PABPC4L: variants seen among roughly 807,000 people sequenced by gnomAD.
PABPC4L encodes polyadenylate-binding protein 4-like.
For synonymous variants in PABPC4L, 169 were observed against 164.1 expected (o/e 1.03, Z -0.23); for missense variants, 452 against 451.4 (o/e 1.00, Z -0.01).
the PABPC4L span, among the ~76,000 whole-genome samples, chr4:134,171,853 C>A: frequency 6.6e-6 from 1 of 152,038 alleles, no homozygotes; most frequent in African/African-American, 2.4e-5. Context: ...AAATCAGTAG[C>A]ATTTCTATAT....
At chr4:134,201,790 G>A (rs1314012115), upstream of PABPC4L, 2 of 152,474 alleles carry the variant, frequency 1.3e-5, no homozygotes, top group Non-Finnish European at 2.9e-5. Context: ...GCTGCCAAGT[G>A]GGATGTTTTC....
At chr4:134,089,390 T>C in the PABPC4L span, among the ~76,000 whole-genome samples, 7 of 152,074 alleles carry the variant, frequency 4.6e-5, no homozygotes, top group Non-Finnish European at 7.4e-5. Context: ...ATGAACTACA[T>C]CCACACATCA....
At chr4:134,032,657 T>G in the PABPC4L span, among the ~76,000 whole-genome samples, 3 of 151,858 alleles carry the variant, frequency 2.0e-5, no homozygotes. Flanking sequence ...AGGCCTGGTA[T>G]GCTTGATATA....
At chr4:134,083,820 G>A in the PABPC4L span, among the ~76,000 whole-genome samples, 3 of 152,198 alleles carry the variant, frequency 2.0e-5, no homozygotes, top group South Asian at 2.1e-4. Flanking sequence ...AAAGGCAAAT[G>A]TATGTTTCCA....
the PABPC4L span, among the ~76,000 whole-genome samples, chr4:134,086,638 G>T: frequency 6.6e-6 from 1 of 151,620 alleles, no homozygotes; most frequent in African/African-American, 2.4e-5. Flanking sequence ...TTTTGGCCAT[G>T]CCACCCTCCC....
chr4:134,029,599 T>C, the PABPC4L span, among the ~76,000 whole-genome samples: 1 of 151,988 alleles, frequency 6.6e-6, no homozygotes, highest in Non-Finnish European at 1.5e-5. Flanking sequence ...TTTAAAAATA[T>C]TTAATAATAT....
chr4:134,060,418 C>T, the PABPC4L span, among the ~76,000 whole-genome samples: 1 of 151,552 alleles, frequency 6.6e-6, no homozygotes, highest in South Asian at 2.1e-4. Flanking sequence ...GCACAGCTTA[C>T]AGCTCCAGAT....
chr4:134,060,173 C>A, the PABPC4L span, among the ~76,000 whole-genome samples: 3 of 152,080 alleles, frequency 2.0e-5, no homozygotes, highest in African/African-American at 7.2e-5. Context: ...AGGGGAATGG[C>A]TCTTTCCAGC....
the PABPC4L span, among the ~76,000 whole-genome samples, chr4:134,187,957 ATTT>A: frequency 7.2e-5 from 11 of 151,848 alleles, 1 homozygote; most frequent in Non-Finnish European, 1.3e-4. Context: ...TGATGTTTTT[ATTT>A]TTTATTTAGT....
chr4:133,989,211 C>G, the PABPC4L span, among the ~76,000 whole-genome samples: 1 of 152,072 alleles, frequency 6.6e-6, no homozygotes, highest in Non-Finnish European at 1.5e-5. Flanking sequence ...GAATAACATT[C>G]GACTCCTCAT....
At chr4:134,014,705 G>C in the PABPC4L span, among the ~76,000 whole-genome samples, 1 of 151,920 alleles carries the variant, frequency 6.6e-6, no homozygotes, top group East Asian at 1.9e-4. Context: ...CGAGCTTTTG[G>C]TAACTCTCAC....
At chr4:134,195,892 A>G (rs1578880379), downstream of PABPC4L, among the ~76,000 whole-genome samples, 1 of 151,662 alleles carries the variant, frequency 6.6e-6, no homozygotes, top group African/African-American at 2.4e-5. Flanking sequence ...TGGGAGATAC[A>G]TATATGTCAA....
the PABPC4L span, among the ~76,000 whole-genome samples, chr4:134,058,624 A>G: frequency 2.0e-5 from 3 of 152,054 alleles, no homozygotes; most frequent in African/African-American, 7.2e-5. Context: ...AAGGCAAGGT[A>G]GATTCATTCC....
chr4:134,088,913 C>A, the PABPC4L span, among the ~76,000 whole-genome samples: 1 of 152,028 alleles, frequency 6.6e-6, no homozygotes, highest in Non-Finnish European at 1.5e-5. Flanking sequence ...AGCACCTGAC[C>A]TTGAATGGCT....
the PABPC4L span, among the ~76,000 whole-genome samples, chr4:134,077,321 T>C: frequency 4.6e-5 from 7 of 152,146 alleles, no homozygotes; most frequent in Non-Finnish European, 1.0e-4. Flanking sequence ...AGAGTCTTAC[T>C]TTTACTTTTT....
At chr4:134,065,308 T>C in the PABPC4L span, among the ~76,000 whole-genome samples, 1 of 144,716 alleles carries the variant, frequency 6.9e-6, no homozygotes, top group Non-Finnish European at 1.5e-5. Flanking sequence ...TGAGATGATA[T>C]CTCATTGTGA....
At chr4:134,116,233 G>T in the PABPC4L span, among the ~76,000 whole-genome samples, 1 of 151,732 alleles carries the variant, frequency 6.6e-6, no homozygotes, top group African/African-American at 2.4e-5. Context: ...AACTGGTAGT[G>T]TTCAAAGAAG....
chr4:134,090,968 G>A, the PABPC4L span, among the ~76,000 whole-genome samples: 1 of 151,748 alleles, frequency 6.6e-6, no homozygotes, highest in Admixed American at 6.6e-5. Flanking sequence ...AATTTTTCTG[G>A]TAATTTTTAC....
chr4:134,093,002 T>A, the PABPC4L span, among the ~76,000 whole-genome samples: 1 of 152,074 alleles, frequency 6.6e-6, no homozygotes, highest in African/African-American at 2.4e-5. Context: ...TTTTATAGGT[T>A]TTTGAATCTA....
Sources: gnomAD v4.1 joint callset for allele counts (sites outside exome capture counted in the v4.1 genomes callset) on GRCh38, gnomAD v4.1.1 for gene constraint, MANE v1.5 for transcripts, NCBI Gene and HGNC (gene_info 2026-07-23, HGNC 2026-07-21) for gene names.